RBM20: variants seen among roughly 807,000 people sequenced by gnomAD.
RBM20 encodes RNA binding motif protein 20, also known as RNA-binding protein 20.
A neutral mutation model predicts 110.1 loss-of-function variants in RBM20; 51 were observed. That is an observed-to-expected ratio of 0.46 (90% confidence interval 0.37 to 0.59). The LOEUF is 0.59. RBM20 is among the 20% of genes least tolerant of loss of function. RBM20 has a pLI of 0.00. For missense variants in RBM20, 1,512 were observed against 1,574.9 expected, an observed-to-expected ratio of 0.96 and a Z score of 0.68; for synonymous variants, 589 against 618.2, an observed-to-expected ratio of 0.95 and a Z score of 0.70.
intron 1 of RBM20, among the ~76,000 whole-genome samples, chr10:110,713,248 G>A (rs537593697): frequency 6.6e-6 from 1 of 152,238 alleles, no homozygotes; most frequent in Non-Finnish European, 1.5e-5. Context: ...CAGGTCTGGC[G>A]TGGCCACAGA....
chr10:110,823,740 C>G, intron 12 of RBM20, 126 bp downstream of exon 12: 1 of 1,008,520 alleles, frequency 9.9e-7, no homozygotes, highest in Non-Finnish European at 1.5e-6. Context: ...TCTTTTGAGA[C>G]AAGGTCTCAC....
intron 1 of RBM20, among the ~76,000 whole-genome samples, chr10:110,675,726 C>T (rs536818432): frequency 6.6e-6 from 1 of 152,294 alleles, no homozygotes; most frequent in East Asian, 1.9e-4. Context: ...GTCAGACAGA[C>T]CTGGGCTCAC....
chr10:110,799,679 A>T, intron 6 of RBM20, 108 bp from the exon 7 acceptor site: 1 of 1,061,202 alleles, frequency 9.4e-7, no homozygotes, highest in Non-Finnish European at 1.3e-6. Context: ...ACCGTTGATT[A>T]GTTTTGCCTG....
chr10:110,754,584 C>T lies in RBM20; in HGVS notation c.192-26217C>T, dbSNP rs80203938. Among the ~76,000 whole-genome samples the T allele has an allele frequency of 7.7e-3, 1,172 of 152,260 alleles. 14 individuals are homozygous for T. The highest frequency in any genetic ancestry group is 0.051 in the East Asian group (265 of 5,182). Reference sequence around the variant, plus strand: ...AATTTCCTGTGATCTAACCTCTGGTCCTTAATTCTCTCTTCTATTGTTTTT... The same window carrying T: ...AATTTCCTGTGATCTAACCTCTGGTTCTTAATTCTCTCTTCTATTGTTTTT... On this transcript the variant is annotated intron_variant, in intron 1 of 13. Coordinates refer to ENST00000369519, the MANE Select transcript of RBM20 (RefSeq NM_001134363.3).
At chr10:110,720,656 GCC>G (rs1244428486) in intron 1 of RBM20, among the ~76,000 whole-genome samples, 25 of 88,632 alleles carry the variant, frequency 2.8e-4, no homozygotes, top group African/African-American at 1.5e-3. Context: ...TGCCCCTGCA[GCC>G]TGATCTCCTA....
chr10:110,766,369 G>C (rs1013946020), intron 1 of RBM20, among the ~76,000 whole-genome samples: 1 of 151,232 alleles, frequency 6.6e-6, no homozygotes, highest in Non-Finnish European at 1.5e-5. Context: ...GGTGTTTCTC[G>C]CAGAGGGGTA....
chr10:110,663,164 C>G (rs1862130420), intron 1 of RBM20, among the ~76,000 whole-genome samples: 1 of 152,072 alleles, frequency 6.6e-6, no homozygotes, highest in African/African-American at 2.4e-5. Flanking sequence ...CGGGGCGTTG[C>G]CCAGACTGGT....
intron 1 of RBM20, among the ~76,000 whole-genome samples, chr10:110,719,657 G>A (rs1220618884): frequency 6.6e-6 from 1 of 151,538 alleles, no homozygotes; most frequent in African/African-American, 2.4e-5. Context: ...TCTGAGTTTT[G>A]TGTCTTTCTT....
At chr10:110,694,320 T>G (rs1004646156) in intron 1 of RBM20, among the ~76,000 whole-genome samples, 2 of 152,234 alleles carry the variant, frequency 1.3e-5, no homozygotes, top group Admixed American at 6.5e-5. Flanking sequence ...ACCCAAATTG[T>G]AAAGTTTAGA....
At chr10:110,765,176 A>ATTCTC (rs1844063369) in intron 1 of RBM20, among the ~76,000 whole-genome samples, 2 of 152,152 alleles carry the variant, frequency 1.3e-5, no homozygotes, top group South Asian at 2.1e-4. Context: ...TTGAGTTATC[A>ATTCTC]CCAGATCTGG....
At chr10:110,659,776 TTCC>T (rs1033870815) in intron 1 of RBM20, among the ~76,000 whole-genome samples, 3 of 151,216 alleles carry the variant, frequency 2.0e-5, no homozygotes, top group African/African-American at 4.9e-5. Flanking sequence ...CTTCTTCCTC[TTCC>T]TCCTCCTCTT....
Position 110,784,401 on chromosome 10 carries a change from C to T in RBM20, c.1398C>T (p.Ser466=). 1 of 1,551,466 alleles carries T rather than the reference C, an allele frequency of 6.4e-7. No homozygotes were observed. Among genetic ancestry groups the T allele is most frequent in the Non-Finnish European group, 8.7e-7 (1 of 1,146,932 alleles). Residue 466 remains serine (S), a synonymous_variant, in exon 4 of 14, where the codon AGC becomes AGT. Coordinates refer to ENST00000369519, the MANE Select transcript of RBM20 (RefSeq NM_001134363.3). ...GAACATTGTGTGCTTCTCCCAACAG[C>T]ACAGCTGTTTATAACCCTGCTGGGA... The part of the protein sequence containing the change: ...AEGTLCASPN[S]TAVYNPAGNE...
chr10:110,794,628 T>C (rs1844527275), intron 5 of RBM20, among the ~76,000 whole-genome samples: 1 of 152,260 alleles, frequency 6.6e-6, no homozygotes, highest in Non-Finnish European at 1.5e-5. Flanking sequence ...AAATTACTAT[T>C]ATCTGGAAGA....
Position 110,784,504 on chromosome 10 carries a change from T to C in RBM20, c.1429+72T>C, listed in dbSNP as rs146150002. 182 of 1,135,768 alleles carry C rather than the reference T, an allele frequency of 1.6e-4. 2 individuals are homozygous for C. The East Asian group carries it at 4.7e-3, about 29-fold the overall frequency. 70.4% of individuals were successfully genotyped at this position (1,135,768 alleles called of 1,614,324 possible). ...CCCACAGGCACATTATGTCCTGTCT[T>C]TAATAACCAGGACTTCCCTGATGTC... On this transcript the variant is annotated intron_variant, in intron 4 of 13. Transcript: ENST00000369519.
intron 1 of RBM20, among the ~76,000 whole-genome samples, chr10:110,780,012 A>G (rs1844316524): frequency 6.6e-6 from 1 of 151,766 alleles, no homozygotes; most frequent in South Asian, 2.1e-4. Flanking sequence ...TTTGTAACAG[A>G]GACTTTGGCA....
chr10:110,809,260 A>G (rs576000165), intron 7 of RBM20, among the ~76,000 whole-genome samples: 8 of 143,236 alleles, frequency 5.6e-5, no homozygotes, highest in South Asian at 2.2e-4. Flanking sequence ...AATTACATAG[A>G]AAAAATCAAG....
intron 1 of RBM20, among the ~76,000 whole-genome samples, chr10:110,736,533 A>T (rs186986814): frequency 6.6e-6 from 1 of 151,908 alleles, no homozygotes; most frequent in African/African-American, 2.4e-5. Flanking sequence ...CTTCATCTTA[A>T]AAAAAAAGAA....
At chr10:110,672,952 T>C (rs902347702) in intron 1 of RBM20, among the ~76,000 whole-genome samples, 1 of 152,250 alleles carries the variant, frequency 6.6e-6, no homozygotes, top group African/African-American at 2.4e-5. Flanking sequence ...CTTTGAACTT[T>C]GCATTTTTTC....
intron 1 of RBM20, among the ~76,000 whole-genome samples, chr10:110,708,012 C>T (rs1399573813): frequency 1.3e-5 from 2 of 152,106 alleles, no homozygotes; most frequent in African/African-American, 4.8e-5. Context: ...AGAGGTACAC[C>T]TATTATGTAC....
Sources: gnomAD v4.1 joint callset for allele counts (sites outside exome capture counted in the v4.1 genomes callset) on GRCh38, gnomAD v4.1.1 for gene constraint, MANE v1.5 for transcripts, NCBI Gene and HGNC (gene_info 2026-07-23, HGNC 2026-07-21) for gene names.